The following GRIN2B variants were observed in gnomAD, a reference collection of about 807,000 sequenced individuals.
GRIN2B encodes the protein glutamate ionotropic receptor NMDA type subunit 2B, also known as glutamate receptor ionotropic, NMDA 2B.
GRIN2B carries 5 observed loss-of-function variants against 114.5 expected under a neutral mutation model. The ratio of observed to expected loss-of-function variants is 0.04; its 90% CI spans 0.02 to 0.09. The LOEUF is 0.09. Among genes scored for constraint, GRIN2B ranks in the 10% least tolerant of loss-of-function variants. The pLI, the probability that GRIN2B is intolerant of heterozygous loss-of-function variation, is 1.00. For missense variants in GRIN2B, 1,108 were observed against 1,943.5 expected, an observed-to-expected ratio of 0.57 and a Z score of 8.08; for synonymous variants, 787 against 745.1, an observed-to-expected ratio of 1.06 and a Z score of -0.92.
chr12:13,735,673 G>T (rs908224296), intron 4 of GRIN2B, among the ~76,000 whole-genome samples: 1 of 152,156 alleles, frequency 6.6e-6, no homozygotes, highest in Non-Finnish European at 1.5e-5. Context: ...CTGCTCAGGG[G>T]ACTAAGCACC....
chr12:13,889,202 G>T (rs76081236), intron 2 of GRIN2B, among the ~76,000 whole-genome samples: 2 of 152,016 alleles, frequency 1.3e-5, no homozygotes, highest in Admixed American at 6.6e-5. Flanking sequence ...TCATTAAGAC[G>T]TCACTAGGCA....
At chr12:13,795,182 T>C (rs1864396036) in intron 3 of GRIN2B, among the ~76,000 whole-genome samples, 1 of 152,234 alleles carries the variant, frequency 6.6e-6, no homozygotes, top group Admixed American at 6.5e-5. Flanking sequence ...TGTGTCCATC[T>C]ATATTGGGTA....
intron 2 of GRIN2B, among the ~76,000 whole-genome samples, chr12:13,957,528 C>T (rs988527010): frequency 7.2e-5 from 11 of 152,106 alleles, no homozygotes; most frequent in Non-Finnish European, 1.6e-4. Flanking sequence ...TATATTAGAG[C>T]CCCCTCCACC....
At chr12:13,589,148 A>T (rs1948971417) in intron 10 of GRIN2B, among the ~76,000 whole-genome samples, 1 of 152,238 alleles carries the variant, frequency 6.6e-6, no homozygotes, top group Non-Finnish European at 1.5e-5. Context: ...TGTTAGCTCT[A>T]TTCAAAGATT....
intron 3 of GRIN2B, among the ~76,000 whole-genome samples, chr12:13,758,517 C>T (rs1212980501): frequency 6.6e-6 from 1 of 152,126 alleles, no homozygotes; most frequent in East Asian, 1.9e-4. Flanking sequence ...TTATTGGGCT[C>T]AATATAAGAA....
intron 3 of GRIN2B, among the ~76,000 whole-genome samples, chr12:13,841,391 C>T (rs964249631): frequency 4.6e-5 from 7 of 152,124 alleles, no homozygotes; most frequent in Admixed American, 2.0e-4. Flanking sequence ...ATATGTCACA[C>T]GGGACAGAAA....
chr12:13,790,650 C>T (rs1289058484), intron 3 of GRIN2B, among the ~76,000 whole-genome samples: 1 of 152,208 alleles, frequency 6.6e-6, no homozygotes, highest in East Asian at 1.9e-4. Context: ...TGGAGAATCA[C>T]TTCTTTTCTT....
At chr12:13,765,121 C>T (rs1325451458) in intron 3 of GRIN2B, among the ~76,000 whole-genome samples, 1 of 152,224 alleles carries the variant, frequency 6.6e-6, no homozygotes, top group African/African-American at 2.4e-5. Flanking sequence ...TCAGCAATGA[C>T]ATTTTGATGT....
chr12:13,573,099 G>T (rs1041118296), intron 10 of GRIN2B, among the ~76,000 whole-genome samples: 3 of 149,274 alleles, frequency 2.0e-5, no homozygotes, highest in Admixed American at 2.0e-4. Context: ...TTTGTAAGAA[G>T]GAGATGATAA....
intron 3 of GRIN2B, among the ~76,000 whole-genome samples, chr12:13,754,234 C>A (rs549620634): frequency 6.6e-6 from 1 of 152,136 alleles, no homozygotes; most frequent in African/African-American, 2.4e-5. Flanking sequence ...ATTTCTAAAG[C>A]AAAACATATG....
At chr12:13,719,484 C>A (rs1333289374) in intron 4 of GRIN2B, among the ~76,000 whole-genome samples, 1 of 151,856 alleles carries the variant, frequency 6.6e-6, no homozygotes, top group African/African-American at 2.4e-5. Context: ...AAACTCCAAA[C>A]AAGAGAAGTC....
At chr12:13,709,000 T>C (rs965621744) in intron 4 of GRIN2B, among the ~76,000 whole-genome samples, 13 of 152,090 alleles carry the variant, frequency 8.5e-5, no homozygotes, top group Non-Finnish European at 1.9e-4. Context: ...GATTTTTCTT[T>C]CATCTTGTGA....
At position 13,859,550 on chromosome 12, in the gene GRIN2B, G is replaced by A. The variant is rs562289334; in HGVS notation, c.411+6248C>T. 2.6e-5 allele frequency among the ~76,000 whole-genome samples: 4 copies of A among 152,276 alleles called. No homozygotes were observed. In the South Asian group the frequency reaches 8.3e-4, roughly 32 times the overall value. The stretch of plus-strand genomic sequence containing the variant: ...CCTACCCATCTTTCCCCAAAATATA[G>A]TTCAAGTAGGGAAAATTGGAGAGAA... On this transcript the variant is annotated intron_variant, in intron 3 of 13. Transcript: ENST00000609686.
At chr12:13,642,774 TATG>T (rs1360900022) in intron 5 of GRIN2B, among the ~76,000 whole-genome samples, 1 of 150,602 alleles carries the variant, frequency 6.6e-6, no homozygotes, top group Non-Finnish European at 1.5e-5. Flanking sequence ...CATCTACCGA[TATG>T]ATATTTCAGA....
chr12:13,655,227 C>T (rs1053131592), intron 5 of GRIN2B, among the ~76,000 whole-genome samples: 3 of 152,116 alleles, frequency 2.0e-5, no homozygotes, highest in African/African-American at 7.2e-5. Flanking sequence ...AATTCTTATA[C>T]TTCTTTCCAT....
At chr12:13,571,319 A>C (rs1210829602) in intron 11 of GRIN2B, among the ~76,000 whole-genome samples, 1 of 152,212 alleles carries the variant, frequency 6.6e-6, no homozygotes, top group African/African-American at 2.4e-5. Flanking sequence ...TGAATGGACA[A>C]ACACTCCCTA....
chr12:13,702,763 C>T (rs1299228209), intron 4 of GRIN2B, among the ~76,000 whole-genome samples: 1 of 152,144 alleles, frequency 6.6e-6, no homozygotes, highest in Non-Finnish European at 1.5e-5. Context: ...CCCAGGCCAG[C>T]ATTAAAAATT....
intron 2 of GRIN2B, among the ~76,000 whole-genome samples, chr12:13,933,077 C>T (rs1052196504): frequency 1.1e-4 from 17 of 152,126 alleles, no homozygotes; most frequent in African/African-American, 4.1e-4. Context: ...TCTCACCAGA[C>T]CCCTGAGGCA....
rs1035671771 is a variant in GRIN2B at position 13,559,689 on chromosome 12, C to G, written c.*3094G>C. The G allele has an allele frequency of 2.0e-5, 3 of 152,208 alleles. No homozygotes were observed. The highest frequency in any genetic ancestry group is 2.1e-4 in the South Asian group (1 of 4,828). The allele number at this position is 152,208 out of a possible 1,614,324, so 9.4% of individuals were successfully genotyped here. On this transcript the variant is annotated 3_prime_UTR_variant, in exon 14 of 14. Coordinates refer to ENST00000609686, the MANE Select transcript of GRIN2B (RefSeq NM_000834.5). ...GTAAGACACATATCCAGCACTACCT[C>G]TCTGTGACCAGATATCACATGCTTC...
Sources: allele counts gnomAD v4.1 joint callset (sites outside exome capture counted in the v4.1 genomes callset), GRCh38; gene constraint gnomAD v4.1.1; transcripts MANE v1.5; gene names NCBI Gene and HGNC (gene_info 2026-07-23, HGNC 2026-07-21).